Variants in IL6ST observed in about 807,000 individuals in gnomAD.
The protein encoded by IL6ST is interleukin-6 receptor subunit beta.
A neutral mutation model predicts 91.3 loss-of-function variants in IL6ST; 24 were observed. The ratio of observed to expected loss-of-function variants is 0.26; its 90% confidence interval spans 0.19 to 0.37. The LOEUF (loss-of-function observed/expected upper bound fraction) is 0.37. Among genes scored for constraint, IL6ST ranks in the 10% least tolerant of loss-of-function variants. IL6ST has a pLI of 1.00. For synonymous variants in IL6ST, 351 were observed against 373.6 expected (o/e 0.94, Z 0.70); for missense variants, 914 against 1,078.5 (o/e 0.85, Z 2.14).
intron 3 of IL6ST, among the ~76,000 whole-genome samples, chr5:55,974,942 C>T (rs949065006): frequency 9.4e-5 from 14 of 148,856 alleles, no homozygotes; most frequent in Non-Finnish European, 1.9e-4. Flanking sequence ...TTCATACACA[C>T]ACACACACAC....
chr5:55,962,841 G>C (rs1752401612), intron 7 of IL6ST, among the ~76,000 whole-genome samples: 1 of 152,108 alleles, frequency 6.6e-6, no homozygotes, highest in Admixed American at 6.5e-5. Context: ...TAGGCTGGTA[G>C]TGGTAGCTCA....
intron 8 of IL6ST, among the ~76,000 whole-genome samples, chr5:55,957,902 C>T (rs370166393): frequency 6.6e-6 from 1 of 152,030 alleles, no homozygotes; most frequent in African/African-American, 2.4e-5. Context: ...TACTACTTAT[C>T]GCTGAAAATC....
At chr5:55,989,835 C>A (rs2111943341) in intron 1 of IL6ST, among the ~76,000 whole-genome samples, 1 of 152,068 alleles carries the variant, frequency 6.6e-6, no homozygotes, top group East Asian at 1.9e-4. Flanking sequence ...CATATGAACT[C>A]TACATCATCT....
chr5:55,964,458 T>C, intron 5 of IL6ST, 146 bp from the exon 6 acceptor site: 1 of 537,752 alleles, frequency 1.9e-6, no homozygotes, highest in Non-Finnish European at 3.2e-6. Flanking sequence ...CAAAATTTCT[T>C]AAAAATAAAC....
intron 1 of IL6ST, among the ~76,000 whole-genome samples, chr5:55,990,236 T>C (rs1437186442): frequency 1.3e-5 from 2 of 152,140 alleles, no homozygotes. Context: ...AATCAGCTAA[T>C]TTCTTATTAA....
At chr5:55,977,447 T>C (rs1214790138) in intron 2 of IL6ST, among the ~76,000 whole-genome samples, 3 of 151,914 alleles carry the variant, frequency 2.0e-5, no homozygotes, top group African/African-American at 7.3e-5. Context: ...AGGGCTGAGG[T>C]AGAGAAGGCA....
intron 1 of IL6ST, among the ~76,000 whole-genome samples, chr5:55,991,071 A>G (rs897655041): frequency 5.9e-5 from 9 of 152,022 alleles, no homozygotes; most frequent in African/African-American, 1.9e-4. Context: ...ACATGAACTC[A>G]TCCTTTTTTA....
chr5:55,974,354 T>C (rs1753145180), intron 3 of IL6ST, among the ~76,000 whole-genome samples: 1 of 152,190 alleles, frequency 6.6e-6, no homozygotes, highest in African/African-American at 2.4e-5. Flanking sequence ...AGATAGGGTC[T>C]CAGTCTGCCA....
intron 10 of IL6ST, 41 bp from the exon 11 acceptor site, chr5:55,955,033 C>T: frequency 7.5e-7 from 1 of 1,333,770 alleles, no homozygotes; most frequent in Non-Finnish European, 1.0e-6. Context: ...TAAATATTAA[C>T]AAATTTGAAA....
At chr5:55,959,942 G>A (rs536050292) in intron 8 of IL6ST, among the ~76,000 whole-genome samples, 107 of 151,352 alleles carry the variant, frequency 7.1e-4, no homozygotes, top group African/African-American at 2.4e-3. Context: ...CTGAAGTGCA[G>A]TGGCGTGACC....
chr5:55,937,799 A>G lies in IL6ST; in HGVS notation c.*3283T>C. 1 of 193,138 alleles carries G rather than the reference A, an allele frequency of 5.2e-6. No homozygotes were observed. Among genetic ancestry groups the G allele is most frequent in the Non-Finnish European group, 1.1e-5 (1 of 92,476 alleles). The allele number at this position is 193,138 out of a possible 1,614,324, so 12.0% of individuals were successfully genotyped here. A position where few individuals can be genotyped will look rare whatever the true frequency, so the allele number is the denominator to read the frequency against. ...TAACTTTGTTATTTTATTCATCTCA[A>G]CAAAATAAAACTTTATTGAAACAAA... On this transcript the variant is annotated 3_prime_UTR_variant, in exon 17 of 17. Coordinates refer to ENST00000381298, the MANE Select transcript of IL6ST (RefSeq NM_002184.4).
chr5:55,974,988 CAT>C (rs1339651957), intron 3 of IL6ST, among the ~76,000 whole-genome samples: 1 of 151,718 alleles, frequency 6.6e-6, no homozygotes, highest in Non-Finnish European at 1.5e-5. Context: ...CACACGTACA[CAT>C]AAATATTTTT....
At chr5:55,980,779 A>G (rs1443747442) in intron 2 of IL6ST, among the ~76,000 whole-genome samples, 1 of 152,212 alleles carries the variant, frequency 6.6e-6, no homozygotes, top group East Asian at 1.9e-4. Context: ...CTTGATGAGA[A>G]ATGGCTTCCT....
chr5:55,953,780 G>A (rs1751789916), intron 11 of IL6ST, among the ~76,000 whole-genome samples: 1 of 152,184 alleles, frequency 6.6e-6, no homozygotes, highest in South Asian at 2.1e-4. Flanking sequence ...CTTGAGGCCA[G>A]GTGTTGGAGA....
intron 4 of IL6ST, among the ~76,000 whole-genome samples, chr5:55,969,222 C>T (rs1420299407): frequency 6.6e-6 from 1 of 151,800 alleles, no homozygotes; most frequent in Non-Finnish European, 1.5e-5. Context: ...AGTATTTGTT[C>T]GCTTTCTTCA....
chr5:55,981,793 C>T (rs529646004), intron 2 of IL6ST, among the ~76,000 whole-genome samples: 2 of 152,232 alleles, frequency 1.3e-5, no homozygotes, highest in Non-Finnish European at 2.9e-5. Flanking sequence ...TATATTATAA[C>T]CATACATTGC....
chr5:55,940,442 T>C lies in IL6ST; in HGVS notation c.*640A>G, dbSNP rs554869271. On this transcript the variant is annotated 3_prime_UTR_variant, in exon 17 of 17. Coordinates refer to ENST00000381298, the MANE Select transcript of IL6ST (RefSeq NM_002184.4). ...ATGAATAAAAAATGAGTACTTTTAATCTGCCAAGTTAAAGCTCTAGAATTC... is the reference window on the plus strand; with the variant it reads ...ATGAATAAAAAATGAGTACTTTTAACCTGCCAAGTTAAAGCTCTAGAATTC... 3.1e-4 allele frequency: 65 copies of C among 209,946 alleles called. 1 individual carries two copies. Among genetic ancestry groups the C allele is most frequent in the Admixed American group, 1.6e-3 (27 of 16,972 alleles). The allele number at this position is 209,946 out of a possible 1,614,324, so 13.0% of individuals were successfully genotyped here. A position where few individuals can be genotyped will look rare whatever the true frequency, so the allele number is the denominator to read the frequency against.
intron 6 of IL6ST, 111 bp from the exon 7 acceptor site, chr5:55,963,617 C>T (rs1752465783): frequency 2.6e-6 from 2 of 783,964 alleles, no homozygotes; most frequent in African/African-American, 3.6e-5. Context: ...TTATCCTTAC[C>T]AAATGAACTA....
chr5:55,968,219 C>T, intron 5 of IL6ST, 57 bp downstream of exon 5: 2 of 1,397,868 alleles, frequency 1.4e-6, no homozygotes, highest in Admixed American at 2.4e-5. Flanking sequence ...ATAAAAATTC[C>T]AGCAAAAATG....
Sources: allele counts gnomAD v4.1 joint callset (sites outside exome capture counted in the v4.1 genomes callset), GRCh38; gene constraint gnomAD v4.1.1; transcripts MANE v1.5; gene names NCBI Gene and HGNC (gene_info 2026-07-23, HGNC 2026-07-21).